The following TMEM204 variants were observed in gnomAD, a reference collection of about 807,000 sequenced individuals.
TMEM204 encodes transmembrane protein 204, also known as claudin-like protein 24.
A neutral mutation model predicts 19.4 loss-of-function variants in TMEM204; 15 were observed. The ratio of observed to expected loss-of-function variants is 0.77; its 90% confidence interval spans 0.52 to 1.19. TMEM204 has a LOEUF of 1.19. Ranked by LOEUF, TMEM204 falls within the 50% of genes most tolerant of loss-of-function variation. TMEM204 has a pLI of 0.00. For synonymous variants in TMEM204, 161 were observed against 146.0 expected, an observed-to-expected ratio of 1.10 and a Z score of -0.74; for missense variants, 287 against 321.2, an observed-to-expected ratio of 0.89 and a Z score of 0.81.
intron 1 of TMEM204, among the ~76,000 whole-genome samples, chr16:1,536,715 C>T (rs1454172804): frequency 2.0e-5 from 3 of 152,188 alleles, no homozygotes; most frequent in African/African-American, 7.2e-5. Context: ...CCAGAGTCTC[C>T]CTTGGCCGTG....
At chr16:1,540,961 C>T (rs1416690008) in intron 1 of TMEM204, 1 of 985,324 alleles carries the variant, frequency 1.0e-6, no homozygotes, top group Non-Finnish European at 1.2e-6. Flanking sequence ...GGCCTGGGAA[C>T]ACACTGCTTC....
At chr16:1,545,394 G>T (rs546142576) in intron 2 of TMEM204, among the ~76,000 whole-genome samples, 1 of 152,190 alleles carries the variant, frequency 6.6e-6, no homozygotes, top group South Asian at 2.1e-4. Context: ...CACCCCTAAC[G>T]GGTCTGTTTT....
chr16:1,552,293 G>A lies in TMEM204; in HGVS notation c.437-2489G>A, dbSNP rs561886651. 2.6e-5 allele frequency among the ~76,000 whole-genome samples: 4 copies of A among 152,134 alleles called. No homozygotes were observed. The South Asian group carries it at 6.2e-4, about 24-fold the overall frequency. On this transcript the variant is annotated intron_variant, in intron 2 of 2. Transcript: ENST00000566264. ...CAGGGCTTGCATCGCCCCCCTGCTG[G>A]GCTGGGACTCTCCCCAAGGCTCCCA...
chr16:1,530,761 T>G (rs974124846), upstream of TMEM204: 1 of 149,472 alleles, frequency 6.7e-6, no homozygotes, highest in African/African-American at 2.5e-5. Flanking sequence ...GGCCCTGGTT[T>G]TGCTCTGGTT....
At chr16:1,546,042 C>T (rs1045379252) in intron 2 of TMEM204, among the ~76,000 whole-genome samples, 1 of 152,390 alleles carries the variant, frequency 6.6e-6, no homozygotes, top group Non-Finnish European at 1.5e-5. Flanking sequence ...CTCCCCTCTC[C>T]TCCTCGTGGC....
In TMEM204 at chr16:1,551,118, C is replaced by T. The variant is rs1227576455; in HGVS notation, c.437-3664C>T. ...CCACACTGCATTCTGTTCTGTTTCA[C>T]GTCTACTTTGGTCTCCTCAAACGAT... On this transcript the variant is annotated intron_variant, in intron 2 of 2. Coordinates refer to ENST00000566264, the MANE Select transcript of TMEM204 (RefSeq NM_024600.6). This position sits in a 1 kb window ranked among gnomAD's most constrained non-coding sequence, Gnocchi z 4.0. 2.0e-5 allele frequency among the ~76,000 whole-genome samples: 3 copies of T among 152,360 alleles called. No individual in the cohort carries two copies. Among genetic ancestry groups the T allele is most frequent in the East Asian group, 1.9e-4 (1 of 5,178 alleles).
chr16:1,546,322 G>A (rs570917597), intron 2 of TMEM204, among the ~76,000 whole-genome samples: 9 of 152,316 alleles, frequency 5.9e-5, no homozygotes, highest in South Asian at 4.1e-4. Context: ...AGGATGCTCC[G>A]AGCCCTCAGG....
chr16:1,541,326 T>C lies in TMEM204; in HGVS notation c.281-595T>C, dbSNP rs377714023. 1.7e-4 allele frequency: 171 copies of C among 985,316 alleles called. No individual in the cohort carries two copies. In the African/African-American group the frequency reaches 2.8e-3, roughly 16 times the overall value. 61.0% of individuals were successfully genotyped at this position (985,316 alleles called of 1,614,324 possible). A position where few individuals can be genotyped will look rare whatever the true frequency, so the allele number is the denominator to read the frequency against. The stretch of plus-strand genomic sequence containing the variant: ...CTGGTTCAGACCCATGTCTGACCCC[T>C]GCTCAGCCCCTTGCTGGTTATGAGG... On this transcript the variant is annotated intron_variant, in intron 1 of 2. Transcript: ENST00000566264.
At chr16:1,549,083 A>G (rs1374029311) in intron 2 of TMEM204, among the ~76,000 whole-genome samples, 3 of 152,130 alleles carry the variant, frequency 2.0e-5, no homozygotes, top group African/African-American at 7.2e-5. Flanking sequence ...TTTTCACCGC[A>G]TGCCTAGGGC....
intron 1 of TMEM204, chr16:1,541,074 A>G (rs1301913046): frequency 1.0e-6 from 1 of 985,120 alleles, no homozygotes; most frequent in African/African-American, 1.7e-5. Flanking sequence ...CAACAAACGC[A>G]CCTCCCTCTG....
Position 1,554,977 on chromosome 16 carries a change from C to T in TMEM204, c.632C>T (p.Ala211Val), listed in dbSNP as rs199584846. Residue 211 changes from alanine to valine, a missense_variant, in exon 3 of 3, where the codon GCG becomes GTG. By Grantham distance (64) the Ala-to-Val change is moderately conservative. Coordinates refer to ENST00000566264, the MANE Select transcript of TMEM204 (RefSeq NM_024600.6). ...RVIVISRSLT[A>V]RFRRGLDNDY... ...ATTGTCATCAGCCGCTCCCTGACAG[C>T]GCGCTTTCGCCGTGGGCTGGACAAT... 32 of 1,613,666 alleles carry T rather than the reference C, an allele frequency of 2.0e-5. No homozygotes were observed. Among genetic ancestry groups the T allele is most frequent in the East Asian group, 1.1e-4 (5 of 44,890 alleles).
chr16:1,533,915 CTG>C lies in TMEM204; in HGVS notation c.-359_-358del, dbSNP rs2030777947. ...ACTGCTGCCGGCCTCCCGAGTGACT[CTG>C]TTTTCCACTGCTGCAGGCGAGAAGA... On this transcript the variant is annotated 5_prime_UTR_variant, in exon 1 of 3. Transcript: ENST00000566264. This position sits in a 1 kb window ranked among gnomAD's most constrained non-coding sequence, Gnocchi z 4.7. 2 of 316,428 alleles carry C rather than the reference CTG, an allele frequency of 6.3e-6. No homozygotes were observed. Among genetic ancestry groups the C allele is most frequent in the African/African-American group, 4.5e-5 (2 of 44,254 alleles). The allele number at this position is 316,428 out of a possible 1,614,324, so 19.6% of individuals were successfully genotyped here.
intron 1 of TMEM204, among the ~76,000 whole-genome samples, chr16:1,539,007 G>A (rs562577623): frequency 2.5e-4 from 35 of 142,468 alleles, no homozygotes; most frequent in African/African-American, 8.4e-4. Context: ...GGTGCCACGC[G>A]GCCCCCCACC....
chr16:1,555,167 G>A lies in TMEM204; in HGVS notation c.*141G>A, dbSNP rs771287859. 16 of 1,030,880 alleles carry A rather than the reference G, an allele frequency of 1.6e-5. No homozygotes were observed. The highest frequency in any genetic ancestry group is 3.2e-5 in the African/African-American group (2 of 61,604). The allele number at this position is 1,030,880 out of a possible 1,614,324, so 63.9% of individuals were successfully genotyped here. A position where few individuals can be genotyped will look rare whatever the true frequency, so the allele number is the denominator to read the frequency against. On this transcript the variant is annotated 3_prime_UTR_variant, in exon 3 of 3. Coordinates refer to ENST00000566264, the MANE Select transcript of TMEM204 (RefSeq NM_024600.6). ...TGGGTGACCTCTGCGCCATGCGTGC[G>A]AGACACGTGTGCGTTTACTGTTATG...
At chr16:1,547,751 G>T (rs1049334574) in intron 2 of TMEM204, among the ~76,000 whole-genome samples, 9 of 152,168 alleles carry the variant, frequency 5.9e-5, no homozygotes, top group African/African-American at 1.9e-4. Flanking sequence ...GGCCAGGCTG[G>T]TCTCAAGCTT....
At position 1,551,253 on chromosome 16, in the gene TMEM204, C is replaced by A. The variant is rs1402673177; in HGVS notation, c.437-3529C>A. 6.6e-6 allele frequency among the ~76,000 whole-genome samples: 1 copy of A among 152,198 alleles called. No homozygotes were observed. Among genetic ancestry groups the A allele is most frequent in the Non-Finnish European group, 1.5e-5 (1 of 68,046 alleles). On this transcript the variant is annotated intron_variant, in intron 2 of 2. Coordinates refer to ENST00000566264, the MANE Select transcript of TMEM204 (RefSeq NM_024600.6). The surrounding 1 kb of genome is among the most constrained non-coding windows in gnomAD (Gnocchi z 4.0). Reference sequence around the variant, plus strand: ...TGGCGGGGGAGAGCGGCCAGAGCCACCCATGGGTAAAGACACAATGACCAC... The same window carrying A: ...TGGCGGGGGAGAGCGGCCAGAGCCAACCATGGGTAAAGACACAATGACCAC...
intron 1 of TMEM204, chr16:1,540,824 T>C (rs2031561065): frequency 2.0e-6 from 2 of 985,248 alleles, no homozygotes; most frequent in African/African-American, 3.5e-5. Context: ...CCAAATATTG[T>C]TCAATAGAAA....
chr16:1,551,492 G>A lies in TMEM204; in HGVS notation c.437-3290G>A, dbSNP rs1425193889. 6.6e-6 allele frequency among the ~76,000 whole-genome samples: 1 copy of A among 152,196 alleles called. No individual in the cohort carries two copies. Among genetic ancestry groups the A allele is most frequent in the African/African-American group, 2.4e-5 (1 of 41,456 alleles). ...CAGGTAGCAGGGGAGACCCTAAGGC[G>A]ATGGGAGCCACAAGGGTGCTGAGTG... On this transcript the variant is annotated intron_variant, in intron 2 of 2. Coordinates refer to ENST00000566264, the MANE Select transcript of TMEM204 (RefSeq NM_024600.6). This position sits in a 1 kb window ranked among gnomAD's most constrained non-coding sequence, Gnocchi z 4.0.
Position 1,554,884 on chromosome 16 carries a change from C to T in TMEM204, c.539C>T (p.Thr180Met), listed in dbSNP as rs369025963. The change falls in exon 3 of 3, where the codon ACG becomes ATG. Residue 180 changes from threonine (T) to methionine (M), a missense_variant. Thr to Met is a moderately conservative substitution (Grantham distance 81). Transcript: ENST00000566264. ...AACATTGGCGCCTGCCTTCTGGCCA[C>T]GCTGGCGGCAGCCATGCTCATCTGG... ...YLNIGACLLA[T>M]LAAAMLIWNI... is the part of the protein sequence containing the mutation. The T allele has an allele frequency of 3.4e-5, 55 of 1,614,124 alleles. No homozygotes were observed. Among genetic ancestry groups the T allele is most frequent in the Middle Eastern group, 3.3e-4 (2 of 6,084 alleles).
Sources: gnomAD v4.1 joint callset for allele counts (sites outside exome capture counted in the v4.1 genomes callset) on GRCh38, gnomAD v4.1.1 for gene constraint, Gnocchi (gnomAD v3.1) non-coding constraint, MANE v1.5 for transcripts, NCBI Gene and HGNC (gene_info 2026-07-23, HGNC 2026-07-21) for gene names.